Variants in BLTP1 observed in about 807,000 individuals in gnomAD.
BLTP1 encodes the protein fragile site-associated protein.
At chr4:122,206,566 T>C in the BLTP1 span, among the ~76,000 whole-genome samples, 1 of 151,868 alleles carries the variant, frequency 6.6e-6, no homozygotes, top group Non-Finnish European at 1.5e-5. Context: ...TACAAAAATA[T>C]ATAATACATG....
chr4:122,342,793 G>A, the BLTP1 span, among the ~76,000 whole-genome samples: 1 of 152,212 alleles, frequency 6.6e-6, no homozygotes, highest in Non-Finnish European at 1.5e-5. Flanking sequence ...CAAGTAGGCA[G>A]TTGTAATATA....
chr4:122,246,966 CAT>C, the BLTP1 span: 90,502 of 909,694 alleles, frequency 0.099, 4,990 homozygotes, highest in South Asian at 0.25. Context: ...AGATTAGTAA[CAT>C]ATGTCTTTAA....
chr4:122,267,024 C>A, the BLTP1 span: 13 of 501,258 alleles, frequency 2.6e-5, no homozygotes, highest in Non-Finnish European at 4.0e-5. Context: ...TTTAACGTTA[C>A]TTTCGTGTAA....
At chr4:122,254,520 G>C in the BLTP1 span, 1 of 942,156 alleles carries the variant, frequency 1.1e-6, no homozygotes, top group Non-Finnish European at 1.3e-6. Flanking sequence ...TACCTTGTTT[G>C]ACCCAATTTC....
At chr4:122,229,158 A>G in the BLTP1 span, 12 of 1,608,918 alleles carry the variant, frequency 7.5e-6, no homozygotes, top group African/African-American at 2.7e-5. Flanking sequence ...ACTTCAGATG[A>G]TTTGAAATAT....
At chr4:122,224,153 T>C in the BLTP1 span, 81 of 906,250 alleles carry the variant, frequency 8.9e-5, no homozygotes, top group Non-Finnish European at 1.0e-4. Context: ...CTCATGATTC[T>C]TAGATTTCTT....
the BLTP1 span, among the ~76,000 whole-genome samples, chr4:122,342,368 T>TA: frequency 1.3e-5 from 2 of 151,954 alleles, no homozygotes; most frequent in Non-Finnish European, 2.9e-5. Flanking sequence ...ATTTATTTTT[T>TA]TTTTTGAGAC....
the BLTP1 span, chr4:122,346,599 T>A: frequency 1.2e-6 from 2 of 1,607,280 alleles, no homozygotes; most frequent in Non-Finnish European, 1.7e-6. Flanking sequence ...AAATCTGTAC[T>A]AACAAATGTT....
At chr4:122,197,180 T>C in the BLTP1 span, 1 of 1,020,838 alleles carries the variant, frequency 9.8e-7, no homozygotes, top group African/African-American at 1.7e-5. Flanking sequence ...ATGAATTAAT[T>C]TTTTTCTTTT....
the BLTP1 span, among the ~76,000 whole-genome samples, chr4:122,350,870 G>A: frequency 6.6e-6 from 1 of 152,264 alleles, no homozygotes; most frequent in Admixed American, 6.5e-5. Flanking sequence ...GAGCAAGGAC[G>A]AAAATGCCGG....
the BLTP1 span, chr4:122,309,488 A>G: frequency 1.9e-6 from 3 of 1,580,304 alleles, no homozygotes; most frequent in Non-Finnish European, 2.6e-6. Flanking sequence ...ATTTCTATAT[A>G]CAGTTTAGAA....
the BLTP1 span, chr4:122,226,577 A>T: frequency 2.4e-5 from 35 of 1,480,960 alleles, no homozygotes; most frequent in African/African-American, 4.0e-4. Context: ...CAAGTTGCTT[A>T]TTTAGCAGAA....
chr4:122,229,853 C>T, the BLTP1 span: 5 of 1,478,372 alleles, frequency 3.4e-6, no homozygotes, highest in Non-Finnish European at 4.5e-6. Context: ...GAAATGATCA[C>T]CTATTCAGTA....
At chr4:122,183,396 G>C in the BLTP1 span, 6 of 937,266 alleles carry the variant, frequency 6.4e-6, no homozygotes, top group Admixed American at 6.3e-5. Context: ...AGAAATTCTA[G>C]AATCAGAGAA....
the BLTP1 span, chr4:122,200,871 T>A: frequency 3.9e-6 from 5 of 1,297,848 alleles, no homozygotes; most frequent in Non-Finnish European, 5.1e-6. Context: ...AATATTAAAG[T>A]CTCAAAGGGA....
At chr4:122,197,896 A>T in the BLTP1 span, 2 of 829,972 alleles carry the variant, frequency 2.4e-6, no homozygotes, top group African/African-American at 3.7e-5. Flanking sequence ...TCAAATTGTT[A>T]TAACTTCATT....
At chr4:122,194,084 G>C in the BLTP1 span, among the ~76,000 whole-genome samples, 1 of 152,018 alleles carries the variant, frequency 6.6e-6, no homozygotes, top group East Asian at 1.9e-4. Flanking sequence ...GGATGGTCTC[G>C]ATCTCCTGAC....
the BLTP1 span, chr4:122,327,803 G>A: frequency 6.2e-6 from 1 of 160,532 alleles, no homozygotes; most frequent in African/African-American, 2.4e-5. Context: ...TGTTTCTTTT[G>A]CTTCCACATG....
At chr4:122,193,480 G>A in the BLTP1 span, 1 of 210,420 alleles carries the variant, frequency 4.8e-6, no homozygotes, top group African/African-American at 2.4e-5. Context: ...GTCTATAGTG[G>A]TTAAGAGGTA....
Sources: allele counts gnomAD v4.1 joint callset (sites outside exome capture counted in the v4.1 genomes callset), GRCh38; gene constraint gnomAD v4.1.1; transcripts MANE v1.5; gene names NCBI Gene and HGNC (gene_info 2026-07-23, HGNC 2026-07-21).